ARMC1: variants seen among roughly 807,000 people sequenced by gnomAD.
The protein encoded by ARMC1 is armadillo repeat containing 1, also known as armadillo repeat-containing protein 1.
A neutral mutation model predicts 31.4 loss-of-function variants in ARMC1; 16 were observed. The ratio of observed to expected loss-of-function variants is 0.51; its 90% confidence interval spans 0.34 to 0.77. The LOEUF is 0.77. Among genes scored for constraint, ARMC1 ranks in the 30% least tolerant of loss-of-function variants. The probability of loss-of-function intolerance (pLI) is 0.01; values close to 1 mark genes in which losing one functional copy is unlikely to be tolerated. For missense variants in ARMC1, 259 were observed against 347.5 expected, an observed-to-expected ratio of 0.75 and a Z score of 2.02; for synonymous variants, 114 against 118.9, an observed-to-expected ratio of 0.96 and a Z score of 0.27.
At chr8:65,619,612 C>G (rs1277501312) in intron 3 of ARMC1, among the ~76,000 whole-genome samples, 3 of 151,576 alleles carry the variant, frequency 2.0e-5, no homozygotes, top group Admixed American at 6.6e-5. Context: ...GTTGGGAGGC[C>G]GAGATAGGAG....
At chr8:65,631,033 G>A (rs1435191122) in intron 1 of ARMC1, among the ~76,000 whole-genome samples, 2 of 152,138 alleles carry the variant, frequency 1.3e-5, no homozygotes, top group African/African-American at 2.4e-5. Flanking sequence ...TATAACAGAG[G>A]CAGAAACTGT....
At chr8:65,623,112 A>G (rs1808429245) in intron 2 of ARMC1, among the ~76,000 whole-genome samples, 1 of 151,108 alleles carries the variant, frequency 6.6e-6, no homozygotes, top group African/African-American at 2.4e-5. Context: ...GTTCGAGACC[A>G]GCCTGACCAA....
chr8:65,619,987 A>G (rs1175116723), intron 3 of ARMC1, among the ~76,000 whole-genome samples: 1 of 151,834 alleles, frequency 6.6e-6, no homozygotes, highest in East Asian at 1.9e-4. Context: ...CAAAAAAAAA[A>G]AAAAAAAATT....
chr8:65,604,868 G>C (rs1807969307), intron 6 of ARMC1, among the ~76,000 whole-genome samples: 1 of 152,180 alleles, frequency 6.6e-6, no homozygotes, highest in Non-Finnish European at 1.5e-5. Context: ...CCATCTATGA[G>C]ATGGGAACCC....
rs1399583995 is a variant in ARMC1, at chr8:65,622,375, A to G, written c.184-21T>C. 26 of 1,597,570 alleles carry G rather than the reference A, an allele frequency of 1.6e-5. No homozygotes were observed. The East Asian group carries it at 5.8e-4, about 36-fold the overall frequency. ...AGAGCCTACAGCAGAAGAAGTAATA[A>G]GTTAATTCGTCTGTCCAGACTATTC... On this transcript the variant is annotated intron_variant, in intron 2 of 6. Coordinates refer to ENST00000276569, the MANE Select transcript of ARMC1 (RefSeq NM_018120.6).
intron 1 of ARMC1, among the ~76,000 whole-genome samples, chr8:65,629,154 C>CAAAAAAAAAAAAAAAAAAAAAAA (rs761505047): frequency 1.3e-5 from 1 of 77,066 alleles, no homozygotes; most frequent in African/African-American, 5.0e-5. Context: ...GACTCCATCT[C>CAAAAAAAAAAAAAAAAAAAAAAA]AAAAAAAAAA....
At chr8:65,622,231 T>G (rs368810365) in intron 3 of ARMC1, 32 bp downstream of exon 3, 4 of 1,525,210 alleles carry the variant, frequency 2.6e-6, no homozygotes, top group Non-Finnish European at 3.6e-6. Flanking sequence ...AGTAAGTATA[T>G]AAATAAATGA....
Position 65,604,508 on chromosome 8 carries a change from C to G in ARMC1, c.735G>C (p.Glu245Asp). Residue 245 changes from glutamate to aspartate, a missense_variant, in exon 7 of 7, where the codon GAG (glutamate) becomes GAC (aspartate). Glu to Asp is a conservative substitution (Grantham distance 45). Around this residue, in one of 3 missense-constraint regions of ARMC1, gnomAD observed 73 missense variants for 100.0 expected, o/e 0.73. Coordinates refer to ENST00000276569, the MANE Select transcript of ARMC1 (RefSeq NM_018120.6). ...CTTTGTCCTGTTCCTTTGTGGGACTCTCATCCTCAGGCAGGTAGTCAGGTA... is the reference window on the plus strand; with the variant it reads ...CTTTGTCCTGTTCCTTTGTGGGACTGTCATCCTCAGGCAGGTAGTCAGGTA... ...TELPDYLPED[E>D]SPTKEQDKAV... The G allele has an allele frequency of 6.2e-7, 1 of 1,614,148 alleles. No homozygotes were observed. The highest frequency in any genetic ancestry group is 1.1e-5 in the South Asian group (1 of 91,082).
intron 3 of ARMC1, among the ~76,000 whole-genome samples, chr8:65,613,924 G>A (rs1808196517): frequency 6.6e-6 from 1 of 150,810 alleles, no homozygotes; most frequent in African/African-American, 2.4e-5. Flanking sequence ...CACACCACTG[G>A]GCTCCAGCCT....
Position 65,604,563 on chromosome 8 carries a change from G to A in ARMC1, c.680C>T (p.Thr227Ile). 1.2e-6 allele frequency: 2 copies of A among 1,613,662 alleles called. No individual in the cohort carries two copies. The highest frequency in any genetic ancestry group is 1.7e-6 in the Non-Finnish European group (2 of 1,179,928). The change falls in exon 7 of 7, where the codon ACT becomes ATT. Residue 227 changes from threonine to isoleucine, a missense_variant. Coordinates refer to ENST00000276569, the MANE Select transcript of ARMC1 (RefSeq NM_018120.6). ...GEEMLVPFQD[T>I]PVEVEQNTEL... Reference sequence around the variant, plus strand: ...TGTGTTCTGTTCAACTTCCACAGGAGTATCTTGGAATGGGACCAACATCTG... The same window carrying A: ...TGTGTTCTGTTCAACTTCCACAGGAATATCTTGGAATGGGACCAACATCTG...
chr8:65,616,662 GGCC>G (rs1808268637), intron 3 of ARMC1, among the ~76,000 whole-genome samples: 1 of 145,124 alleles, frequency 6.9e-6, no homozygotes, highest in South Asian at 2.2e-4. Flanking sequence ...GCCTCTTCCC[GGCC>G]GCCATCACGT....
chr8:65,603,499 C>A lies in ARMC1; in HGVS notation c.*895G>T, dbSNP rs937507950. 1 of 152,124 alleles carries A rather than the reference C, an allele frequency of 6.6e-6. No homozygotes were observed. The highest frequency in any genetic ancestry group is 2.4e-5 in the African/African-American group (1 of 41,420). The allele number at this position is 152,124 out of a possible 1,614,324, so 9.4% of individuals were successfully genotyped here. A position where few individuals can be genotyped will look rare whatever the true frequency, so the allele number is the denominator to read the frequency against. ...ATTATAGGCATTTGATTTTTGTTTTCTTATTTTCAGTTTGTCAGTTTCTTT... is the reference window on the plus strand; with the variant it reads ...ATTATAGGCATTTGATTTTTGTTTTATTATTTTCAGTTTGTCAGTTTCTTT... On this transcript the variant is annotated 3_prime_UTR_variant, in exon 7 of 7. Coordinates refer to ENST00000276569, the MANE Select transcript of ARMC1 (RefSeq NM_018120.6).
chr8:65,619,347 G>A (rs912933477), intron 3 of ARMC1, among the ~76,000 whole-genome samples: 2 of 151,882 alleles, frequency 1.3e-5, no homozygotes, highest in African/African-American at 4.8e-5. Flanking sequence ...AGACCAGCCT[G>A]GCCAATATGG....
chr8:65,625,629 T>C (rs975902505), intron 2 of ARMC1, among the ~76,000 whole-genome samples: 12 of 152,180 alleles, frequency 7.9e-5, no homozygotes, highest in African/African-American at 2.4e-4. Context: ...CTCATCCTTC[T>C]TGCATTTCTT....
At chr8:65,609,872 A>AG (rs1554540455) in intron 4 of ARMC1, among the ~76,000 whole-genome samples, 2,651 of 81,038 alleles carry the variant, frequency 0.033, 35 homozygotes, top group African/African-American at 0.11. Flanking sequence ...AAAAAAAAAA[A>AG]AAAAGAAAAG....
At chr8:65,608,384 C>T (rs189745612) in intron 4 of ARMC1, among the ~76,000 whole-genome samples, 2,413 of 152,038 alleles carry the variant, frequency 0.016, 48 homozygotes, top group Non-Finnish European at 0.026. Context: ...AAAAAATTAG[C>T]GGGGCGTGGT....
rs756900923 is a variant in ARMC1 at position 65,622,345 on chromosome 8, A to G, written c.193T>C (p.Tyr65His). ...CTGTTTGCACGGCATTCTGCCAAGTATCGAAGAGCCTACAGCAGAAGAAGT... is the reference window on the plus strand; with the variant it reads ...CTGTTTGCACGGCATTCTGCCAAGTGTCGAAGAGCCTACAGCAGAAGAAGT... Reference protein sequence around the residue: ...VVHSALLALRYLAECRANREK... With the variant: ...VVHSALLALRHLAECRANREK... The change falls in exon 3 of 7, where the codon TAC becomes CAC. Residue 65 changes from tyrosine (Y) to histidine (H), a missense_variant. Physicochemically the swap from Tyr to His is moderately conservative, Grantham distance 83. Coordinates refer to ENST00000276569, the MANE Select transcript of ARMC1 (RefSeq NM_018120.6). 4.3e-6 allele frequency: 7 copies of G among 1,613,760 alleles called. No individual in the cohort carries two copies. The East Asian group carries it at 8.9e-5, about 21-fold the overall frequency.
rs764034757 is a variant in ARMC1 at position 65,604,574 on chromosome 8, T to C, written c.669A>G (p.Pro223=). The C allele has an allele frequency of 1.9e-6, 3 of 1,613,282 alleles. No homozygotes were observed. The highest frequency in any genetic ancestry group is 1.7e-6 in the Non-Finnish European group (2 of 1,179,702). Residue 223 remains proline, a synonymous_variant, in exon 7 of 7, where the codon CCA becomes CCG. Transcript: ENST00000276569. The part of the protein sequence containing the change: ...KSESGEEMLV[P]FQDTPVEVEQ... ...CAACTTCCACAGGAGTATCTTGGAA[T>C]GGGACCAACATCTGATACAGAAAAT...
Position 65,604,561 on chromosome 8 carries a change from G to A in ARMC1, c.682C>T (p.Pro228Ser), listed in dbSNP as rs1055469984. ...TCTGTGTTCTGTTCAACTTCCACAG[G>A]AGTATCTTGGAATGGGACCAACATC... ...EEMLVPFQDTPVEVEQNTELP... is the reference protein window; with the variant it reads ...EEMLVPFQDTSVEVEQNTELP... Residue 228 changes from proline to serine, a missense_variant, in exon 7 of 7, where the codon CCT (proline) becomes TCT (serine). Physicochemically the swap from Pro to Ser is moderately conservative, Grantham distance 74. Around this residue, in one of 3 missense-constraint regions of ARMC1, gnomAD observed 73 missense variants for 100.0 expected, o/e 0.73. Coordinates refer to ENST00000276569, the MANE Select transcript of ARMC1 (RefSeq NM_018120.6). 17 of 1,613,646 alleles carry A rather than the reference G, an allele frequency of 1.1e-5. No individual in the cohort carries two copies. Among genetic ancestry groups the A allele is most frequent in the Non-Finnish European group, 1.4e-5 (16 of 1,179,938 alleles).
Sources: gnomAD v4.1 joint callset for allele counts (sites outside exome capture counted in the v4.1 genomes callset) on GRCh38, gnomAD v4.1.1 for gene constraint, gnomAD v4.1.1 regional missense constraint, MANE v1.5 for transcripts, NCBI Gene and HGNC (gene_info 2026-07-23, HGNC 2026-07-21) for gene names.